STK35: variants seen among roughly 807,000 people sequenced by gnomAD.
STK35 encodes serine/threonine-protein kinase 35.
In STK35, 17 loss-of-function variants were observed where a neutral mutation model predicts 37.3. The observed-to-expected ratio is 0.46, with a 90% confidence interval of 0.31 to 0.68. The LOEUF (loss-of-function observed/expected upper bound fraction) is 0.68. Ranked by LOEUF, STK35 falls within the 30% of genes least tolerant of loss-of-function variation. The pLI, the probability that STK35 is intolerant of heterozygous loss-of-function variation, is 0.05. For missense variants in STK35, 595 were observed against 746.7 expected, an observed-to-expected ratio of 0.80 and a Z score of 2.37; for synonymous variants, 385 against 319.1, an observed-to-expected ratio of 1.21 and a Z score of -2.20.
At position 2,101,961 on chromosome 20, in the gene STK35, G is replaced by T; in HGVS notation, c.80G>T (p.Ser27Ile). Residue 27 changes from serine to isoleucine, a missense_variant, in exon 1 of 4, where the codon AGC becomes ATC. Around this residue, in one of 3 missense-constraint regions of STK35, gnomAD observed 389 missense variants for 320.0 expected, o/e 1.22. Transcript: ENST00000381482. ...AYVKRLCKGLSWREHVESHGS... is the reference protein window; with the variant it reads ...AYVKRLCKGLIWREHVESHGS... ...GTAAAGAGGTTATGTAAAGGGCTCA[G>T]CTGGCGCGAACACGTGGAAAGCCAC... 1.1e-5 allele frequency: 16 copies of T among 1,522,692 alleles called. No individual in the cohort carries two copies. Among genetic ancestry groups the T allele is most frequent in the Non-Finnish European group, 1.4e-5 (16 of 1,137,992 alleles). The allele number at this position is 1,522,692 out of a possible 1,614,324, so 94.3% of individuals were successfully genotyped here.
At chr20:2,137,797 G>A (rs931845915) in intron 3 of STK35, among the ~76,000 whole-genome samples, 2 of 152,086 alleles carry the variant, frequency 1.3e-5, no homozygotes, top group Non-Finnish European at 2.9e-5. Flanking sequence ...TGGGGCCACC[G>A]AACCCCCAGG....
At chr20:2,112,792 G>A (rs1985644840) in intron 2 of STK35, among the ~76,000 whole-genome samples, 2 of 152,134 alleles carry the variant, frequency 1.3e-5, no homozygotes. Flanking sequence ...CTCCCTCTCT[G>A]GGAAGGAAGC....
chr20:2,127,121 T>C (rs1479229958), intron 3 of STK35, among the ~76,000 whole-genome samples: 2 of 152,188 alleles, frequency 1.3e-5, no homozygotes, highest in South Asian at 4.1e-4. Context: ...CTTTGTTATA[T>C]CGTGTTGGGT....
At chr20:2,121,369 C>T (rs193079440) in intron 3 of STK35, among the ~76,000 whole-genome samples, 10 of 152,144 alleles carry the variant, frequency 6.6e-5, no homozygotes, top group East Asian at 5.8e-4. Context: ...GCAGGATTTC[C>T]GGCCGGATCA....
rs1986213979 is a variant in STK35 at position 2,143,962 on chromosome 20, T to C, written c.*216T>C. On this transcript the variant is annotated 3_prime_UTR_variant, in exon 4 of 4. Coordinates refer to ENST00000381482, the MANE Select transcript of STK35 (RefSeq NM_080836.4). ...TTATTTTTTTCCTTTTCTTTTCTTT[T>C]TTTTTTTTCCTCTTTCCTTTTTTTA... 2 of 418,082 alleles carry C rather than the reference T, an allele frequency of 4.8e-6. No homozygotes were observed. Among genetic ancestry groups the C allele is most frequent in the Admixed American group, 3.3e-5 (1 of 30,476 alleles). The allele number at this position is 418,082 out of a possible 1,614,324, so 25.9% of individuals were successfully genotyped here.
intron 2 of STK35, among the ~76,000 whole-genome samples, chr20:2,115,876 T>C (rs544841081): frequency 6.6e-6 from 1 of 152,234 alleles, no homozygotes; most frequent in South Asian, 2.1e-4. Flanking sequence ...CTCTGACACC[T>C]TCAGATCTGG....
At chr20:2,124,787 T>A (rs1025627444) in intron 3 of STK35, among the ~76,000 whole-genome samples, 5 of 152,184 alleles carry the variant, frequency 3.3e-5, no homozygotes, top group Non-Finnish European at 7.4e-5. Context: ...AAGAGACATG[T>A]CCCTTGGGGC....
Position 2,148,070 on chromosome 20 carries a change from C to T in STK35, c.*4324C>T, listed in dbSNP as rs1027196125. The T allele has an allele frequency of 9.2e-5, 14 of 151,926 alleles. No individual in the cohort carries two copies. The highest frequency in any genetic ancestry group is 1.6e-4 in the Non-Finnish European group (11 of 68,036). The allele number at this position is 151,926 out of a possible 1,614,324, so 9.4% of individuals were successfully genotyped here. A position where few individuals can be genotyped will look rare whatever the true frequency, so the allele number is the denominator to read the frequency against. ...GATGAGTCCACTGCCGTTGCCTGCC[C>T]GAGGGCCCCCTAAGGTTATAGACGG... On this transcript the variant is annotated 3_prime_UTR_variant, in exon 4 of 4. Transcript: ENST00000381482.
intron 2 of STK35, among the ~76,000 whole-genome samples, chr20:2,114,347 G>A (rs1985675236): frequency 6.6e-6 from 1 of 152,072 alleles, no homozygotes; most frequent in African/African-American, 2.4e-5. Context: ...GGGAAGCCAA[G>A]GCGGGAGGAC....
intron 3 of STK35, among the ~76,000 whole-genome samples, chr20:2,121,584 C>T (rs1985818243): frequency 6.6e-6 from 1 of 152,140 alleles, no homozygotes; most frequent in African/African-American, 2.4e-5. Flanking sequence ...TTGGATGAGT[C>T]TGGAGTTCAA....
intron 3 of STK35, among the ~76,000 whole-genome samples, chr20:2,119,577 C>T (rs1985780654): frequency 6.6e-6 from 1 of 152,262 alleles, no homozygotes; most frequent in South Asian, 2.1e-4. Flanking sequence ...TTCACCTTTA[C>T]AACCCTGCAA....
chr20:2,111,323 T>C (rs1228715456), intron 2 of STK35, among the ~76,000 whole-genome samples: 1 of 152,234 alleles, frequency 6.6e-6, no homozygotes, highest in African/African-American at 2.4e-5. Flanking sequence ...CATAGCGTTG[T>C]CAGCAGCCTA....
chr20:2,127,695 G>A (rs758578669), intron 3 of STK35, among the ~76,000 whole-genome samples: 4 of 152,098 alleles, frequency 2.6e-5, no homozygotes, highest in African/African-American at 9.7e-5. Flanking sequence ...GTACCAACAG[G>A]TATAGCAGGA....
chr20:2,137,207 G>C (rs1287291766), intron 3 of STK35, among the ~76,000 whole-genome samples: 3 of 152,224 alleles, frequency 2.0e-5, no homozygotes. Flanking sequence ...CCTGCTATGT[G>C]TACTATCACT....
intron 2 of STK35, among the ~76,000 whole-genome samples, chr20:2,105,157 A>C (rs1252006366): frequency 3.6e-5 from 2 of 55,552 alleles, no homozygotes; most frequent in Admixed American, 1.6e-4. Context: ...ACCCTGTCTC[A>C]AAAAAAAAAA....
Position 2,117,369 on chromosome 20 carries a change from T to G in STK35, c.1596T>G (p.Cys532Trp), listed in dbSNP as rs1480219593. ...ELETRMDQVT[C>W]AA ...AAACCAGAATGGACCAGGTCACATG[T>G]GCTGCTTAAAATTCAGGGCTAAGCA... Residue 532 changes from cysteine to tryptophan, a missense_variant, in exon 3 of 4, where the codon TGT becomes TGG. Coordinates refer to ENST00000381482, the MANE Select transcript of STK35 (RefSeq NM_080836.4). The surrounding 1 kb of genome is among the most constrained non-coding windows in gnomAD (Gnocchi z 4.4). 1 of 1,598,836 alleles carries G rather than the reference T, an allele frequency of 6.3e-7. No individual in the cohort carries two copies. Among genetic ancestry groups the G allele is most frequent in the African/African-American group, 1.3e-5 (1 of 74,346 alleles).
At position 2,103,047 on chromosome 20, in the gene STK35, G is replaced by T; in HGVS notation, c.574G>T (p.Glu192Ter). The stretch of plus-strand genomic sequence containing the variant: ...GGCCTTCCTGGCGCGGCGACGGCCT[G>T]AGGGCGGTGGCGGGTCCGCGCGGCC... ...GEAFLARRRP[E>*]GGGGSARPRY... Residue 192 changes from glutamate to a stop codon, truncating the protein, a stop_gained, in exon 2 of 4, where the codon GAG becomes TAG. Coordinates refer to ENST00000381482, the MANE Select transcript of STK35 (RefSeq NM_080836.4). LOFTEE classifies it high-confidence loss of function. The T allele has an allele frequency of 6.5e-7, 1 of 1,549,264 alleles. No homozygotes were observed.
chr20:2,115,311 C>T (rs1436546566), intron 2 of STK35, among the ~76,000 whole-genome samples: 1 of 152,086 alleles, frequency 6.6e-6, no homozygotes, highest in Non-Finnish European at 1.5e-5. Context: ...CTAGATCACT[C>T]GTTTTCTTTG....
Position 2,117,537 on chromosome 20 carries a change from C to T in STK35, c.*37+122C>T, listed in dbSNP as rs755668427. The T allele has an allele frequency of 1.2e-5, 7 of 562,804 alleles. No homozygotes were observed. The highest frequency in any genetic ancestry group is 2.1e-5 in the Non-Finnish European group (7 of 327,886). 34.9% of individuals were successfully genotyped at this position (562,804 alleles called of 1,614,324 possible). On this transcript the variant is annotated intron_variant, in intron 3 of 3. Transcript: ENST00000381482. The surrounding 1 kb of genome is among the most constrained non-coding windows in gnomAD (Gnocchi z 4.4). ...TCAGCTCACTGCAACCTCCACCTCC[C>T]GAGTTCAAGTGATTCTCGTGCCTCA...
Sources: allele counts gnomAD v4.1 joint callset (sites outside exome capture counted in the v4.1 genomes callset), GRCh38; gene constraint gnomAD v4.1.1; regional missense constraint gnomAD v4.1.1; non-coding constraint Gnocchi (gnomAD v3.1); transcripts MANE v1.5; gene names NCBI Gene and HGNC (gene_info 2026-07-23, HGNC 2026-07-21).